DEF8: variants seen among roughly 807,000 people sequenced by gnomAD.
The protein encoded by DEF8 is DEF-8.
In DEF8, 38 loss-of-function variants were observed where a neutral mutation model predicts 59.1. The ratio of observed to expected loss-of-function variants is 0.64; its 90% CI spans 0.50 to 0.84. The LOEUF is 0.84. Ranked by LOEUF, DEF8 falls within the 40% of genes least tolerant of loss-of-function variation. The probability of loss-of-function intolerance (pLI) is 0.00; values close to 1 mark genes in which losing one functional copy is unlikely to be tolerated. For missense variants in DEF8, 557 were observed against 615.2 expected, an observed-to-expected ratio of 0.91 and a Z score of 1.00; for synonymous variants, 265 against 250.1, an observed-to-expected ratio of 1.06 and a Z score of -0.56.
chr16:89,966,198 G>C lies in DEF8; in HGVS notation c.*235G>C. The C allele has an allele frequency of 2.2e-6, 1 of 457,086 alleles. No individual in the cohort carries two copies. The highest frequency in any genetic ancestry group is 2.0e-5 in the African/African-American group (1 of 49,968). 28.3% of individuals were successfully genotyped at this position (457,086 alleles called of 1,614,324 possible). A position where few individuals can be genotyped will look rare whatever the true frequency, so the allele number is the denominator to read the frequency against. ...GTGCTGCTGTGAGGGGTCCTTGCGTGGCCCCCATCCTTCCCCCAATGCAGA... is the reference window on the plus strand; with the variant it reads ...GTGCTGCTGTGAGGGGTCCTTGCGTCGCCCCCATCCTTCCCCCAATGCAGA... On this transcript the variant is annotated 3_prime_UTR_variant, in exon 13 of 13. Transcript: ENST00000563594.
intron 10 of DEF8, chr16:89,963,653 T>C: frequency 3.5e-6 from 2 of 570,736 alleles, no homozygotes; most frequent in South Asian, 2.1e-5. Flanking sequence ...GCAGCCCTTA[T>C]GTGAATCTCC....
rs914452164 is a variant in DEF8, at chr16:89,954,241, A to C, written c.-10-2A>C. Reference sequence around the variant, plus strand: ...CTCATCCTGGCCCTGCCTGGCCCTCAGGTGGGATGCTATGGAATATGATGA... The same window carrying C: ...CTCATCCTGGCCCTGCCTGGCCCTCCGGTGGGATGCTATGGAATATGATGA... On this transcript the variant is annotated splice_acceptor_variant, in intron 2 of 12. Transcript: ENST00000563594. LOFTEE classifies it low-confidence loss of function (5UTR_SPLICE). The surrounding 1 kb of genome is among the most constrained non-coding windows in gnomAD (Gnocchi z 4.3). 1 of 1,611,532 alleles carries C rather than the reference A, an allele frequency of 6.2e-7. No homozygotes were observed. The highest frequency in any genetic ancestry group is 1.7e-5 in the Admixed American group (1 of 59,938).
At chr16:89,963,490 G>C (rs769362598) in intron 10 of DEF8, 47 bp downstream of exon 10, 1 of 1,555,710 alleles carries the variant, frequency 6.4e-7, no homozygotes, top group Non-Finnish European at 8.8e-7. Context: ...CGCAGCCAGG[G>C]TGGTGAGGCA....
At chr16:89,949,708 C>T in intron 2 of DEF8, 195 bp downstream of exon 2, 2 of 1,413,432 alleles carry the variant, frequency 1.4e-6, no homozygotes, top group Non-Finnish European at 1.9e-6. Flanking sequence ...CGCCGGCTTT[C>T]TTCGGCTTCC....
chr16:89,955,132 CA>C, intron 3 of DEF8, 36 bp from the exon 4 acceptor site: 1 of 1,522,000 alleles, frequency 6.6e-7, no homozygotes, highest in Non-Finnish European at 9.1e-7. Flanking sequence ...CAGGAGGTAG[CA>C]GCTGACGCTC....
Position 89,964,087 on chromosome 16 carries a change from C to T in DEF8, c.1003-83C>T, listed in dbSNP as rs1217771422. On this transcript the variant is annotated intron_variant, in intron 10 of 12. Coordinates refer to ENST00000563594, the MANE Select transcript of DEF8 (RefSeq NM_001242818.2). Reference sequence around the variant, plus strand: ...GCTCGTTTCTCTGTGAGCACCTGGGCCCTGACCACTGCAGCGACCATGGGT... The same window carrying T: ...GCTCGTTTCTCTGTGAGCACCTGGGTCCTGACCACTGCAGCGACCATGGGT... 3.2e-6 allele frequency: 5 copies of T among 1,573,678 alleles called. No homozygotes were observed. In the East Asian group the frequency reaches 8.9e-5, roughly 28 times the overall value.
At chr16:89,958,727 C>T (rs62052240) in intron 5 of DEF8, among the ~76,000 whole-genome samples, 7,705 of 152,256 alleles carry the variant, frequency 0.051, 347 homozygotes, top group East Asian at 0.25. Flanking sequence ...GGGTCGCTCC[C>T]GCTCACATGC....
chr16:89,955,801 G>A (rs913206982), intron 4 of DEF8, among the ~76,000 whole-genome samples: 14 of 152,224 alleles, frequency 9.2e-5, no homozygotes, highest in African/African-American at 2.4e-4. Context: ...GGCCGGGCGC[G>A]GTGGCTCACG....
rs556125641 is a variant in DEF8, at chr16:89,965,791, C to G, written c.1254-70C>G. 4.0e-5 allele frequency: 41 copies of G among 1,025,544 alleles called. No homozygotes were observed. In the East Asian group the frequency reaches 1.0e-3, roughly 26 times the overall value. The allele number at this position is 1,025,544 out of a possible 1,614,324, so 63.5% of individuals were successfully genotyped here. On this transcript the variant is annotated intron_variant, in intron 12 of 12. Transcript: ENST00000563594. ...TGTAGAGGGGATGATAGGAGCTGACCTAGGACGCTTGGGGGGATTCAGTGC... is the reference window on the plus strand; with the variant it reads ...TGTAGAGGGGATGATAGGAGCTGACGTAGGACGCTTGGGGGGATTCAGTGC...
chr16:89,957,272 T>G (rs1366927956), intron 4 of DEF8: 4 of 393,066 alleles, frequency 1.0e-5, no homozygotes, highest in Non-Finnish European at 1.8e-5. Flanking sequence ...TTTCAAACAT[T>G]AGGTTTTCAG....
Position 89,949,442 on chromosome 16 carries a change from T to C in DEF8, c.-82T>C. On this transcript the variant is annotated 5_prime_UTR_variant, in exon 2 of 13. Transcript: ENST00000563594. ...CAGGTGCCGAACCCACGGCCAGGCT[T>C]CCGTGGCCAGCAGCCCTAGAGGAAT... The C allele has an allele frequency of 6.2e-7, 1 of 1,609,058 alleles. No individual in the cohort carries two copies. Among genetic ancestry groups the C allele is most frequent in the South Asian group, 1.1e-5 (1 of 90,942 alleles).
At chr16:89,961,229 A>C in intron 7 of DEF8, 134 bp downstream of exon 7, 1 of 1,208,352 alleles carries the variant, frequency 8.3e-7, no homozygotes, top group Non-Finnish European at 1.1e-6. Flanking sequence ...TATCTTTAGG[A>C]AGTGACAAGG....
Position 89,949,495 on chromosome 16 carries a change from G to A in DEF8, c.-29G>A, listed in dbSNP as rs1388740479. On this transcript the variant is annotated 5_prime_UTR_variant, in exon 2 of 13. Transcript: ENST00000563594. ...CCATCCTGTCCCTGCGAGCCCCTGG[G>A]CCCTGGCAGGCGATGCAGGTATGGG... The A allele has an allele frequency of 1.2e-6, 2 of 1,613,040 alleles. No homozygotes were observed. Among genetic ancestry groups the A allele is most frequent in the South Asian group, 1.1e-5 (1 of 91,066 alleles).
chr16:89,960,944 C>T lies in DEF8; in HGVS notation c.528C>T (p.Arg176=), dbSNP rs1395457231. Residue 176 remains arginine (R), a synonymous_variant, in exon 7 of 13, where the codon CGC becomes CGT. Coordinates refer to ENST00000563594, the MANE Select transcript of DEF8 (RefSeq NM_001242818.2). ...TWYTCTGCYY[R]CHSKCLNLIS... is the part of the protein sequence containing the mutation. ...CCTCCACCCTAGGGTGTTATTACCGCTGTCACAGTAAGTGCTTGAACCTCA... is the reference window on the plus strand; with the variant it reads ...CCTCCACCCTAGGGTGTTATTACCGTTGTCACAGTAAGTGCTTGAACCTCA... The T allele has an allele frequency of 2.5e-6, 4 of 1,613,870 alleles. No individual in the cohort carries two copies. The highest frequency in any genetic ancestry group is 1.3e-5 in the African/African-American group (1 of 75,068).
chr16:89,955,707 G>C lies in DEF8; in HGVS notation c.222+441G>C, dbSNP rs145495280. On this transcript the variant is annotated intron_variant, in intron 4 of 12. Transcript: ENST00000563594. ...CAGTCGGTATTACAGGGCCACTCTT[G>C]TTTGTTCCGTGTTTTGTTCCATGGA... Among the ~76,000 whole-genome samples, 7 of 152,256 alleles carry C rather than the reference G, an allele frequency of 4.6e-5. 1 individual carries two copies. The highest frequency in any genetic ancestry group is 1.7e-4 in the African/African-American group (7 of 41,550).
intron 5 of DEF8, 81 bp downstream of exon 5, chr16:89,957,741 T>C: frequency 7.0e-7 from 1 of 1,434,778 alleles, no homozygotes; most frequent in Admixed American, 2.7e-5. Context: ...TGCCAGCCTC[T>C]GGCTCTCTCT....
At position 89,961,640 on chromosome 16, in the gene DEF8, C is replaced by T. The variant is rs377641989; in HGVS notation, c.680-97C>T. ...GATAGGACATGTTCCCATGTCTCCC[C>T]GAGGGCTGTGGTCCATGGGAGGACA... On this transcript the variant is annotated intron_variant, in intron 7 of 12. Transcript: ENST00000563594. 255 of 1,487,878 alleles carry T rather than the reference C, an allele frequency of 1.7e-4. 2 individuals carry two copies. In the Middle Eastern group the frequency reaches 3.0e-3, roughly 18 times the overall value. The allele number at this position is 1,487,878 out of a possible 1,614,324, so 92.2% of individuals were successfully genotyped here.
At position 89,963,441 on chromosome 16, in the gene DEF8, C is replaced by A. The variant is rs1376836801; in HGVS notation, c.1000C>A (p.Gln334Lys). 1 of 1,612,844 alleles carries A rather than the reference C, an allele frequency of 6.2e-7. No homozygotes were observed. Among genetic ancestry groups the A allele is most frequent in the Non-Finnish European group, 8.5e-7 (1 of 1,179,350 alleles). The change falls in exon 10 of 13, where the codon CAG (glutamine) becomes AAG (lysine). Residue 334 changes from glutamine to lysine, a missense_variant and splice_region_variant. Coordinates refer to ENST00000563594, the MANE Select transcript of DEF8 (RefSeq NM_001242818.2). ...GGCCATGGAGGCTCGTCTGCTGCTG[C>A]AGGTCAGACTGCCAGCAGGACTGGC... Reference protein sequence around the residue: ...REAMEARLLLQLQDRQHFVEN... With the variant: ...REAMEARLLLKLQDRQHFVEN...
chr16:89,961,818 T>C lies in DEF8; in HGVS notation c.761T>C (p.Val254Ala), dbSNP rs773090649. The change falls in exon 8 of 13, where the codon GTG becomes GCG. Residue 254 changes from valine to alanine, a missense_variant. Physicochemically the swap from Val to Ala is moderately conservative, Grantham distance 64. Coordinates refer to ENST00000563594, the MANE Select transcript of DEF8 (RefSeq NM_001242818.2). ...CACTGCCACTGGAACGACCTGGCTG[T>C]GATCCCTGCACGCGTTGTACACAAC... ...CSHCHWNDLA[V>A]IPARVVHNWD... The C allele has an allele frequency of 6.2e-7, 1 of 1,612,458 alleles. No homozygotes were observed. Among genetic ancestry groups the C allele is most frequent in the Non-Finnish European group, 8.5e-7 (1 of 1,179,312 alleles).
Sources: gnomAD v4.1 joint callset for allele counts (sites outside exome capture counted in the v4.1 genomes callset) on GRCh38, gnomAD v4.1.1 for gene constraint, Gnocchi (gnomAD v3.1) non-coding constraint, MANE v1.5 for transcripts, NCBI Gene and HGNC (gene_info 2026-07-23, HGNC 2026-07-21) for gene names.